Variants in BPTF observed in about 807,000 individuals in gnomAD.
BPTF encodes nucleosome-remodeling factor subunit BPTF.
BPTF carries 18 observed loss-of-function variants against 292.5 expected under a neutral mutation model. The ratio of observed to expected loss-of-function variants is 0.06; its 90% CI spans 0.04 to 0.09. The LOEUF (loss-of-function observed/expected upper bound fraction) is 0.09, where lower values mean the gene tolerates loss of function less well. BPTF is among the 10% of genes least tolerant of loss of function. The pLI, the probability that BPTF is intolerant of heterozygous loss-of-function variation, is 1.00. For missense variants in BPTF, 2,726 were observed against 3,498.7 expected, an observed-to-expected ratio of 0.78 and a Z score of 5.57; for synonymous variants, 1,225 against 1,251.9, an observed-to-expected ratio of 0.98 and a Z score of 0.45.
chr17:67,972,320 C>T (rs933895994), intron 26 of BPTF, among the ~76,000 whole-genome samples: 1 of 152,134 alleles, frequency 6.6e-6, no homozygotes, highest in Non-Finnish European at 1.5e-5. Flanking sequence ...ACTGCAACCT[C>T]TGCCACCCGG....
intron 1 of BPTF, among the ~76,000 whole-genome samples, chr17:67,828,270 C>G (rs1471110549): frequency 7.2e-5 from 11 of 152,052 alleles, no homozygotes; most frequent in Non-Finnish European, 1.6e-4. Context: ...CTTAAGAAAT[C>G]ACATGTTGGT....
At chr17:67,968,260 A>G (rs1472626522) in intron 26 of BPTF, among the ~76,000 whole-genome samples, 9 of 151,494 alleles carry the variant, frequency 5.9e-5, no homozygotes, top group East Asian at 5.8e-4. Context: ...AGCATGAAAG[A>G]GGGGGAAACA....
chr17:67,946,106 A>G lies in BPTF; in HGVS notation c.7398A>G (p.Gln2466=). 6.2e-7 allele frequency: 1 copy of G among 1,614,156 alleles called. No individual in the cohort carries two copies. Among genetic ancestry groups the G allele is most frequent in the Non-Finnish European group, 8.5e-7 (1 of 1,180,024 alleles). Residue 2466 remains glutamine, a synonymous_variant, in exon 21 of 28, where the codon CAA becomes CAG. Coordinates refer to ENST00000306378, the MANE Select transcript of BPTF (RefSeq NM_182641.4). ...IQAQQSGVPQ[Q]IKLQLPIQIQ... Reference sequence around the variant, plus strand: ...CTCAGCAAAGTGGTGTGCCCCAGCAAATCAAACTCCAGTTACCTATCCAAA... The same window carrying G: ...CTCAGCAAAGTGGTGTGCCCCAGCAGATCAAACTCCAGTTACCTATCCAAA...
chr17:67,946,589 T>C (rs2065829469), intron 21 of BPTF, among the ~76,000 whole-genome samples: 1 of 152,240 alleles, frequency 6.6e-6, no homozygotes, highest in African/African-American at 2.4e-5. Flanking sequence ...AATGGAGTTA[T>C]GAGCTTTAAT....
chr17:67,924,365 T>G (rs1463487647), intron 14 of BPTF, among the ~76,000 whole-genome samples, 182 bp from the exon 15 acceptor site: 6 of 152,220 alleles, frequency 3.9e-5, no homozygotes, highest in Non-Finnish European at 5.9e-5. Context: ...TCTGCCTGCC[T>G]TGGCCTCCCA....
At chr17:67,835,682 T>G (rs1157150245) in intron 1 of BPTF, among the ~76,000 whole-genome samples, 1 of 148,534 alleles carries the variant, frequency 6.7e-6, no homozygotes, top group African/African-American at 2.5e-5. Flanking sequence ...TTTTTTTTTT[T>G]TGAGACGGAG....
In BPTF at chr17:67,935,427, CA is replaced by C. The variant is rs1568115484; in HGVS notation, c.6259+3415del. On this transcript the variant is annotated intron_variant, in intron 18 of 27. Transcript: ENST00000306378. ...TGGGTGACAGAGTGAAACCCTGTCT[CA>C]AAAAAAGAAAAAAGGAAAGAAAATG... is the stretch of plus-strand genomic sequence containing the variant. 3.5e-5 allele frequency among the ~76,000 whole-genome samples: 5 copies of C among 144,798 alleles called. 1 individual carries two copies. Among genetic ancestry groups the C allele is most frequent in the Admixed American group, 2.8e-4 (4 of 14,476 alleles). The allele number at this position is 144,798 out of a possible 152,430, so 95.0% of individuals were successfully genotyped here. A position where few individuals can be genotyped will look rare whatever the true frequency, so the allele number is the denominator to read the frequency against.
At chr17:67,964,542 C>T in intron 25 of BPTF, 138 bp downstream of exon 25, 1 of 1,025,224 alleles carries the variant, frequency 9.8e-7, no homozygotes, top group South Asian at 1.8e-5. Context: ...GCCTAACAAA[C>T]TGCAGTCCTT....
At chr17:67,864,541 A>AG (rs1475327443) in intron 2 of BPTF, among the ~76,000 whole-genome samples, 1 of 151,770 alleles carries the variant, frequency 6.6e-6, no homozygotes, top group Non-Finnish European at 1.5e-5. Context: ...AAAAAAAAAA[A>AG]AAAAGGAAAA....
chr17:67,982,257 A>G lies in BPTF; in HGVS notation c.8732A>G (p.His2911Arg), dbSNP rs2070513998. Residue 2911 changes from histidine to arginine, a missense_variant, in exon 28 of 28, where the codon CAT (histidine) becomes CGT (arginine). This residue lies in a region of BPTF where 21 missense variants were observed against 16.1 expected (regional missense o/e 1.30). Coordinates refer to ENST00000306378, the MANE Select transcript of BPTF (RefSeq NM_182641.4). ...KLKGFKASRSHNNKLQSTAS is the reference protein window; with the variant it reads ...KLKGFKASRSRNNKLQSTAS ...CTTTTTTCTATATTCTGTAGGTCTC[A>G]TAACAACAAACTGCAGTCTACAGCT... 1 of 1,611,642 alleles carries G rather than the reference A, an allele frequency of 6.2e-7. No individual in the cohort carries two copies. Among genetic ancestry groups the G allele is most frequent in the Non-Finnish European group, 8.5e-7 (1 of 1,178,204 alleles).
At chr17:67,856,223 C>G (rs2058683252) in intron 2 of BPTF, among the ~76,000 whole-genome samples, 1 of 152,000 alleles carries the variant, frequency 6.6e-6, no homozygotes, top group Admixed American at 6.5e-5. Flanking sequence ...ATTTCCTTAT[C>G]TTGGTCGTCC....
chr17:67,941,596 G>C (rs2065370743), intron 19 of BPTF, among the ~76,000 whole-genome samples: 2 of 152,182 alleles, frequency 1.3e-5, no homozygotes. Context: ...ATATGACAAA[G>C]GTGACATTGC....
chr17:67,953,981 TTTTTTTTTTTTTTTTTTTTTTG>T (rs2066666364), intron 23 of BPTF, among the ~76,000 whole-genome samples: 1 of 65,962 alleles, frequency 1.5e-5, no homozygotes, highest in East Asian at 1.1e-3. Flanking sequence ...TTTTTTTTTT[TTTTTTTTTTTTTTTTTTTTTTG>T]AGAAGCAGGG....
At chr17:67,929,288 T>G in intron 16 of BPTF, 48 bp from the exon 17 acceptor site, 2 of 1,607,090 alleles carry the variant, frequency 1.2e-6, no homozygotes, top group Admixed American at 1.7e-5. Flanking sequence ...CACGTAATGC[T>G]TTCCAATAAA....
chr17:67,883,868 C>T (rs1269337483), intron 4 of BPTF, among the ~76,000 whole-genome samples: 2 of 152,104 alleles, frequency 1.3e-5, no homozygotes, highest in African/African-American at 2.4e-5. Flanking sequence ...CAAAGTACTG[C>T]GATTACAGGC....
chr17:67,885,027 A>G (rs531532547), intron 4 of BPTF, among the ~76,000 whole-genome samples: 2 of 152,326 alleles, frequency 1.3e-5, no homozygotes, highest in African/African-American at 2.4e-5. Context: ...GACTGTTCAC[A>G]TATTTTCCCA....
At chr17:67,922,311 CT>C (rs1289502191) in intron 13 of BPTF, among the ~76,000 whole-genome samples, 1 of 152,004 alleles carries the variant, frequency 6.6e-6, no homozygotes. Context: ...TTTTTTAAAT[CT>C]TTTTATGAGG....
At chr17:67,977,430 G>A (rs1289885847) in intron 27 of BPTF, among the ~76,000 whole-genome samples, 2 of 151,512 alleles carry the variant, frequency 1.3e-5, no homozygotes, top group African/African-American at 4.9e-5. Context: ...CATGAGAATC[G>A]CTTGAACCCG....
intron 24 of BPTF, among the ~76,000 whole-genome samples, chr17:67,961,872 G>A (rs1336514127): frequency 1.3e-5 from 2 of 152,206 alleles, no homozygotes; most frequent in African/African-American, 4.8e-5. Flanking sequence ...TACTCGGGAG[G>A]CCGAGTCAGG....
Sources: gnomAD v4.1 joint callset for allele counts (sites outside exome capture counted in the v4.1 genomes callset) on GRCh38, gnomAD v4.1.1 for gene constraint, gnomAD v4.1.1 regional missense constraint, MANE v1.5 for transcripts, NCBI Gene and HGNC (gene_info 2026-07-23, HGNC 2026-07-21) for gene names.